Variants in CUL5 observed in about 807,000 individuals in gnomAD.
CUL5 encodes cullin 5.
In CUL5, 26 loss-of-function variants were observed where a neutral mutation model predicts 108.8. That is an observed-to-expected ratio of 0.24 (90% CI 0.18 to 0.33). CUL5 has a LOEUF of 0.33. Ranked by LOEUF, CUL5 falls within the 10% of genes least tolerant of loss-of-function variation. CUL5 has a pLI of 1.00. For synonymous variants in CUL5, 334 were observed against 298.0 expected (o/e 1.12, Z -1.25); for missense variants, 524 against 909.2 (o/e 0.58, Z 5.45).
chr11:108,063,581 G>A (rs955600278), intron 7 of CUL5, among the ~76,000 whole-genome samples: 1 of 148,830 alleles, frequency 6.7e-6, no homozygotes, highest in African/African-American at 2.5e-5. Context: ...AAAATTTAAT[G>A]TTAATTTTAT....
intron 3 of CUL5, among the ~76,000 whole-genome samples, chr11:108,049,376 C>G (rs892982947): frequency 6.6e-6 from 1 of 151,572 alleles, no homozygotes; most frequent in African/African-American, 2.4e-5. Flanking sequence ...GGGTATTGCT[C>G]TGTCGCCCAG....
chr11:108,101,491 C>T (rs1051935545), intron 18 of CUL5, among the ~76,000 whole-genome samples: 1 of 152,204 alleles, frequency 6.6e-6, no homozygotes, highest in Non-Finnish European at 1.5e-5. Context: ...TTACTGAGCT[C>T]TTGAAGCCTC....
intron 7 of CUL5, among the ~76,000 whole-genome samples, chr11:108,065,878 G>C (rs1863664673): frequency 6.6e-6 from 1 of 152,044 alleles, no homozygotes; most frequent in Non-Finnish European, 1.5e-5. Flanking sequence ...TGGCCATCTT[G>C]CTCCACTCCT....
chr11:108,060,693 C>T (rs1241245363), intron 7 of CUL5, among the ~76,000 whole-genome samples: 6 of 151,882 alleles, frequency 4.0e-5, no homozygotes, highest in East Asian at 1.9e-4. Flanking sequence ...AAAAATTACC[C>T]GGGCATGGTG....
chr11:108,072,634 A>G (rs551346974), intron 9 of CUL5, among the ~76,000 whole-genome samples, 172 bp downstream of exon 9: 37 of 152,272 alleles, frequency 2.4e-4, no homozygotes, highest in African/African-American at 8.7e-4. Flanking sequence ...TTGGTGTTCT[A>G]TTACCCATTA....
intron 12 of CUL5, among the ~76,000 whole-genome samples, chr11:108,089,059 C>A (rs1199462163): frequency 6.6e-6 from 1 of 151,620 alleles, no homozygotes; most frequent in Non-Finnish European, 1.5e-5. Flanking sequence ...ATCTTTGTCA[C>A]CCAGTTGTTA....
chr11:108,035,087 G>T (rs1274332609), intron 2 of CUL5, among the ~76,000 whole-genome samples: 1 of 152,110 alleles, frequency 6.6e-6, no homozygotes, highest in Non-Finnish European at 1.5e-5. Context: ...CTAGAGTCAG[G>T]TTATTAAATC....
intron 11 of CUL5, 149 bp downstream of exon 11, chr11:108,078,389 A>C (rs933874450): frequency 1.7e-5 from 7 of 416,182 alleles, no homozygotes; most frequent in African/African-American, 1.5e-4. Context: ...AAGTTCATTT[A>C]TAATTTTTTA....
At chr11:108,101,036 G>T (rs1253668635) in intron 18 of CUL5, among the ~76,000 whole-genome samples, 1 of 152,122 alleles carries the variant, frequency 6.6e-6, no homozygotes, top group African/African-American at 2.4e-5. Flanking sequence ...TAAAAAAAAA[G>T]AGTTGAAATG....
chr11:108,042,200 C>T (rs1297839486), intron 2 of CUL5, among the ~76,000 whole-genome samples: 1 of 147,994 alleles, frequency 6.8e-6, no homozygotes, highest in East Asian at 2.0e-4. Context: ...ACTGCAGTTA[C>T]CTTAGTCATC....
chr11:108,053,602 T>G (rs1200355612), intron 5 of CUL5, among the ~76,000 whole-genome samples: 2 of 152,140 alleles, frequency 1.3e-5, no homozygotes. Context: ...TTAACCCATA[T>G]GGTGTTCATA....
At position 108,089,600 on chromosome 11, in the gene CUL5, G is replaced by A; in HGVS notation, c.1420G>A (p.Glu474Lys). 1 of 1,544,042 alleles carries A rather than the reference G, an allele frequency of 6.5e-7. No individual in the cohort carries two copies. ...LDISADSEIE[E>K]NMVEWLREVG... ...CATCTCTGCCGATAGTGAAATTGAAGAAAACATGGTAGAGTGGCTAAGAGT... is the reference window on the plus strand; with the variant it reads ...CATCTCTGCCGATAGTGAAATTGAAAAAAACATGGTAGAGTGGCTAAGAGT... Residue 474 changes from glutamate to lysine, a missense_variant, in exon 13 of 19, where the codon GAA becomes AAA. Glu to Lys is a moderately conservative substitution (Grantham distance 56, BLOSUM62 1). Transcript: ENST00000393094.
intron 1 of CUL5, among the ~76,000 whole-genome samples, chr11:108,023,673 A>C (rs1862383232): frequency 6.6e-6 from 1 of 152,230 alleles, no homozygotes; most frequent in South Asian, 2.1e-4. Context: ...GTAGAGTCTC[A>C]GATGTTTGTT....
chr11:108,091,799 C>T (rs551621355), intron 13 of CUL5, among the ~76,000 whole-genome samples: 1 of 151,282 alleles, frequency 6.6e-6, no homozygotes, highest in Admixed American at 6.6e-5. Flanking sequence ...GACAGATGGC[C>T]AATAAGTGCA....
intron 18 of CUL5, 44 bp from the exon 19 acceptor site, chr11:108,104,146 A>G (rs1307880462): frequency 1.1e-5 from 14 of 1,278,812 alleles, no homozygotes; most frequent in Non-Finnish European, 1.5e-5. Context: ...TACTTAAAAT[A>G]ATTTCGTATA....
intron 15 of CUL5, 37 bp downstream of exon 15, chr11:108,095,024 T>G (rs773451084): frequency 1.3e-6 from 2 of 1,547,688 alleles, no homozygotes; most frequent in Admixed American, 3.7e-5. Context: ...CAGCTTTCAG[T>G]TTGGATGAAA....
In CUL5 at chr11:108,105,528, A is replaced by G. The variant is rs929866656; in HGVS notation, c.*1144A>G. 1 of 152,368 alleles carries G rather than the reference A, an allele frequency of 6.6e-6. No individual in the cohort carries two copies. The highest frequency in any genetic ancestry group is 1.5e-5 in the Non-Finnish European group (1 of 67,978). 9.4% of individuals were successfully genotyped at this position (152,368 alleles called of 1,614,324 possible). Reference sequence around the variant, plus strand: ...AAACTTGCCAAATATATGTACATATATATTTATATATTTTAAAAATAAACA... The same window carrying G: ...AAACTTGCCAAATATATGTACATATGTATTTATATATTTTAAAAATAAACA... On this transcript the variant is annotated 3_prime_UTR_variant, in exon 19 of 19. Transcript: ENST00000393094.
intron 1 of CUL5, among the ~76,000 whole-genome samples, chr11:108,020,400 C>T (rs1302551554): frequency 6.6e-6 from 1 of 151,896 alleles, no homozygotes; most frequent in Non-Finnish European, 1.5e-5. Flanking sequence ...CCTGTGGAGG[C>T]CTAGGCTAGT....
At chr11:108,034,927 T>G (rs1862693831) in intron 2 of CUL5, among the ~76,000 whole-genome samples, 1 of 152,208 alleles carries the variant, frequency 6.6e-6, no homozygotes, top group Admixed American at 6.5e-5. Context: ...CAAAATGGGC[T>G]TATGTTATCT....
Sources: allele counts gnomAD v4.1 joint callset (sites outside exome capture counted in the v4.1 genomes callset), GRCh38; gene constraint gnomAD v4.1.1; transcripts MANE v1.5; gene names NCBI Gene and HGNC (gene_info 2026-07-23, HGNC 2026-07-21).